The following CNTLN variants were observed in gnomAD, a reference collection of about 807,000 sequenced individuals.
The protein encoded by CNTLN is centlein, centrosomal protein.
In CNTLN, 212 loss-of-function variants were observed where a neutral mutation model predicts 180.0. The observed-to-expected ratio is 1.18, with a 90% CI of 1.05 to 1.32. The LOEUF is 1.32. Among genes scored for constraint, CNTLN ranks in the 40% most tolerant of loss-of-function variants. CNTLN has a pLI of 0.00. For synonymous variants in CNTLN, 722 were observed against 563.1 expected, an observed-to-expected ratio of 1.28 and a Z score of -3.99; for missense variants, 2,095 against 1,610.9, an observed-to-expected ratio of 1.30 and a Z score of -5.14.
In CNTLN at chr9:17,178,383, C is replaced by G. The variant is rs1563852293; in HGVS notation, c.449+35007C>G. Among the ~76,000 whole-genome samples, 2 of 152,214 alleles carry G rather than the reference C, an allele frequency of 1.3e-5. 1 individual carries two copies. The highest frequency in any genetic ancestry group is 2.9e-5 in the Non-Finnish European group (2 of 68,040). On this transcript the variant is annotated intron_variant, in intron 2 of 25. Coordinates refer to ENST00000380647, the MANE Select transcript of CNTLN (RefSeq NM_017738.4). ...TCCCGCACCCGGGCCGCAGGTGGAG[C>G]TGCCTGCTAGTCCCGTGCCCTGTGC...
chr9:17,207,821 A>C (rs1311128868), intron 2 of CNTLN, among the ~76,000 whole-genome samples: 1 of 152,050 alleles, frequency 6.6e-6, no homozygotes, highest in East Asian at 1.9e-4. Context: ...CTGACTTTTT[A>C]TCATGCAACT....
In CNTLN at chr9:17,311,679, C is replaced by T. The variant is rs912004696; in HGVS notation, c.1341+2427C>T. Reference sequence around the variant, plus strand: ...CAAAAATTAGCTGGGCATGGTGGCGCGTGCCTGTAGTCCCATCTACTCGGG... The same window carrying T: ...CAAAAATTAGCTGGGCATGGTGGCGTGTGCCTGTAGTCCCATCTACTCGGG... On this transcript the variant is annotated intron_variant, in intron 8 of 25. Transcript: ENST00000380647. 5.3e-5 allele frequency among the ~76,000 whole-genome samples: 8 copies of T among 151,910 alleles called. No homozygotes were observed. The East Asian group carries it at 1.2e-3, about 22-fold the overall frequency.
At chr9:17,510,213 G>T in the CNTLN span, among the ~76,000 whole-genome samples, 1 of 152,104 alleles carries the variant, frequency 6.6e-6, no homozygotes, top group Admixed American at 6.6e-5. Context: ...GAGGTGTTTG[G>T]TGAGGGGAAA....
Position 17,457,507 on chromosome 9 carries a change from CT to C in CNTLN, c.3115-10del, listed in dbSNP as rs770937509. The C allele has an allele frequency of 3.0e-5, 38 of 1,247,804 alleles. No homozygotes were observed. Among genetic ancestry groups the C allele is most frequent in the African/African-American group, 1.6e-4 (8 of 50,544 alleles). 77.3% of individuals were successfully genotyped at this position (1,247,804 alleles called of 1,614,324 possible). ...TTTAAAATATATTTATATTTATTTT[CT>C]TTTTTTAAAAAAAAGAAGCTAAATT... On this transcript the variant is annotated splice_polypyrimidine_tract_variant and intron_variant, in intron 18 of 25. Coordinates refer to ENST00000380647, the MANE Select transcript of CNTLN (RefSeq NM_017738.4).
At chr9:17,268,404 C>G (rs1024686970) in intron 5 of CNTLN, among the ~76,000 whole-genome samples, 2 of 152,160 alleles carry the variant, frequency 1.3e-5, no homozygotes, top group African/African-American at 4.8e-5. Flanking sequence ...GAAGTTTTGT[C>G]TCAGAGGAGT....
chr9:17,338,597 G>T (rs1327142859), intron 10 of CNTLN, among the ~76,000 whole-genome samples: 1 of 151,708 alleles, frequency 6.6e-6, no homozygotes, highest in African/African-American at 2.4e-5. Flanking sequence ...TATATGAGAA[G>T]GTACCAACAT....
At chr9:17,211,403 C>T (rs1488207738) in intron 2 of CNTLN, among the ~76,000 whole-genome samples, 2 of 151,904 alleles carry the variant, frequency 1.3e-5, no homozygotes. Flanking sequence ...CTGTTCCGTT[C>T]CATTGGTGAT....
intron 18 of CNTLN, among the ~76,000 whole-genome samples, chr9:17,424,401 C>G (rs1047113065): frequency 4.6e-5 from 7 of 151,662 alleles, no homozygotes; most frequent in Non-Finnish European, 1.0e-4. Flanking sequence ...TTTTTTTGTT[C>G]CAATAATATT....
chr9:17,414,121 C>T (rs145734061), intron 16 of CNTLN, among the ~76,000 whole-genome samples: 2 of 152,276 alleles, frequency 1.3e-5, no homozygotes, highest in African/African-American at 4.8e-5. Flanking sequence ...TCTTTCTTGC[C>T]TTCTGCATTC....
Position 17,147,319 on chromosome 9 carries a change from CA to C in CNTLN, c.449+3944del, listed in dbSNP as rs1336719484. On this transcript the variant is annotated intron_variant, in intron 2 of 25. Coordinates refer to ENST00000380647, the MANE Select transcript of CNTLN (RefSeq NM_017738.4). ...AATGATTTTGAATGCAGTTTTTGGC[CA>C]TTTGATGTAGGCAAATGCTGCAGGT... is the stretch of plus-strand genomic sequence containing the variant. 5.9e-5 allele frequency among the ~76,000 whole-genome samples: 9 copies of C among 152,252 alleles called. No individual in the cohort carries two copies. The East Asian group carries it at 1.7e-3, about 29-fold the overall frequency.
chr9:17,259,069 CT>C (rs1826739756), intron 5 of CNTLN, among the ~76,000 whole-genome samples: 2 of 145,852 alleles, frequency 1.4e-5, no homozygotes, highest in Non-Finnish European at 3.0e-5. Context: ...AAAGGGAATG[CT>C]TCCAGTTTTT....
At chr9:17,398,212 A>C (rs1052398014) in intron 15 of CNTLN, among the ~76,000 whole-genome samples, 3 of 152,212 alleles carry the variant, frequency 2.0e-5, no homozygotes, top group Admixed American at 6.5e-5. Flanking sequence ...AATTAAAGAA[A>C]GAGAAGTGAA....
At chr9:17,256,519 T>C (rs1231146288) in intron 5 of CNTLN, among the ~76,000 whole-genome samples, 1 of 151,954 alleles carries the variant, frequency 6.6e-6, no homozygotes, top group Non-Finnish European at 1.5e-5. Flanking sequence ...TTAGTGATTT[T>C]GAGCATTTCT....
At chr9:17,295,995 AGAGTGTGTGTGTGTGTGTGT>A (rs1217396096) in intron 6 of CNTLN, among the ~76,000 whole-genome samples, 280 of 84,974 alleles carry the variant, frequency 3.3e-3, no homozygotes, top group African/African-American at 0.016. Flanking sequence ...AGAGAGAGAG[AGAGTGTGTGTGTGTGTGTGT>A]GTGTGTGTGT....
chr9:17,231,767 C>G (rs1824828982), intron 3 of CNTLN, among the ~76,000 whole-genome samples: 1 of 149,086 alleles, frequency 6.7e-6, no homozygotes, highest in African/African-American at 2.6e-5. Context: ...TAACTATGCT[C>G]AAGTATTGCC....
At chr9:17,315,410 T>C (rs1819473552) in intron 8 of CNTLN, among the ~76,000 whole-genome samples, 1 of 152,106 alleles carries the variant, frequency 6.6e-6, no homozygotes, top group African/African-American at 2.4e-5. Context: ...CTTCTCTTTA[T>C]TTTTGGTTTC....
At chr9:17,517,312 A>G in the CNTLN span, among the ~76,000 whole-genome samples, 1 of 151,988 alleles carries the variant, frequency 6.6e-6, no homozygotes, top group East Asian at 1.9e-4. Flanking sequence ...GAATGGCGTG[A>G]ACCCAGGAGG....
intron 23 of CNTLN, among the ~76,000 whole-genome samples, chr9:17,476,210 C>A (rs1588079212): frequency 1.3e-5 from 2 of 152,166 alleles, no homozygotes; most frequent in Non-Finnish European, 2.9e-5. Context: ...ATTAATTAGG[C>A]AGTGAAATTG....
intron 13 of CNTLN, 82 bp from the exon 14 acceptor site, chr9:17,388,080 A>G: frequency 1.2e-6 from 1 of 856,950 alleles, no homozygotes; most frequent in Non-Finnish European, 1.8e-6. Flanking sequence ...TTGAAAAACC[A>G]TAGAACCCTT....
Sources: allele counts gnomAD v4.1 joint callset (sites outside exome capture counted in the v4.1 genomes callset), GRCh38; gene constraint gnomAD v4.1.1; transcripts MANE v1.5; gene names NCBI Gene and HGNC (gene_info 2026-07-23, HGNC 2026-07-21).